The following BCAT1 variants were observed in gnomAD, a reference collection of about 807,000 sequenced individuals.
BCAT1 encodes branched chain amino acid transaminase 1.
A neutral mutation model predicts 52.4 loss-of-function variants in BCAT1; 48 were observed. The observed-to-expected ratio is 0.92, with a 90% CI of 0.73 to 1.16. The LOEUF is 1.16. BCAT1 is among the 50% of genes most tolerant of loss of function. The pLI is 0.00. For synonymous variants in BCAT1, 167 were observed against 161.3 expected (o/e 1.04, Z -0.27); for missense variants, 451 against 457.1 (o/e 0.99, Z 0.12).
intron 5 of BCAT1, among the ~76,000 whole-genome samples, chr12:24,858,121 C>T (rs989659675): frequency 3.3e-5 from 5 of 152,256 alleles, no homozygotes; most frequent in Middle Eastern, 3.4e-3. Flanking sequence ...CATGTTTTCC[C>T]GGCTCTGTCC....
At chr12:24,883,383 G>A (rs185119243) in intron 3 of BCAT1, among the ~76,000 whole-genome samples, 65 of 152,284 alleles carry the variant, frequency 4.3e-4, no homozygotes, top group Admixed American at 4.2e-3. Flanking sequence ...TGGAACCCTT[G>A]TATACTGAGG....
intron 1 of BCAT1, among the ~76,000 whole-genome samples, chr12:24,929,102 C>CT (rs1943641309): frequency 6.6e-6 from 1 of 152,126 alleles, no homozygotes; most frequent in Admixed American, 6.5e-5. Context: ...AAAGTGACCA[C>CT]CTTGACTAAT....
chr12:24,858,205 G>A (rs929739277), intron 5 of BCAT1, among the ~76,000 whole-genome samples: 1 of 152,162 alleles, frequency 6.6e-6, no homozygotes, highest in Non-Finnish European at 1.5e-5. Context: ...AAAATTAACA[G>A]CTACTGGGTC....
At chr12:24,874,794 T>G (rs1254511296) in intron 5 of BCAT1, among the ~76,000 whole-genome samples, 4 of 152,202 alleles carry the variant, frequency 2.6e-5, no homozygotes, top group Non-Finnish European at 4.4e-5. Context: ...GAATCCTCAA[T>G]GTTCTATAAA....
chr12:24,866,921 G>A (rs1301743169), intron 5 of BCAT1, among the ~76,000 whole-genome samples: 1 of 152,164 alleles, frequency 6.6e-6, no homozygotes, highest in Non-Finnish European at 1.5e-5. Context: ...CTTCCATACT[G>A]TGGAAGCTTT....
intron 6 of BCAT1, among the ~76,000 whole-genome samples, chr12:24,844,914 A>AAAAAAAAAAAAAAAAAAAT: frequency 7.5e-6 from 1 of 132,868 alleles, no homozygotes; most frequent in Non-Finnish European, 1.6e-5. Context: ...AAAAAAAAAA[A>AAAAAAAAAAAAAAAAAAAT]AAAGAGTCCT....
rs1489460974 is a variant in BCAT1, at chr12:24,849,754, T to C, written c.674+32A>G. 4.4e-6 allele frequency: 7 copies of C among 1,581,394 alleles called. No homozygotes were observed. In the African/African-American group the frequency reaches 9.4e-5, roughly 21 times the overall value. ...CTAACTAAATGGTCATGAAGGTGTCTTTCCTTTAGACAGAGACACAGATTT... is the reference window on the plus strand; with the variant it reads ...CTAACTAAATGGTCATGAAGGTGTCCTTCCTTTAGACAGAGACACAGATTT... On this transcript the variant is annotated intron_variant, in intron 6 of 10. Coordinates refer to ENST00000261192, the MANE Select transcript of BCAT1 (RefSeq NM_005504.7).
chr12:24,938,060 C>T (rs1283897901), intron 1 of BCAT1, among the ~76,000 whole-genome samples: 4 of 152,094 alleles, frequency 2.6e-5, no homozygotes, highest in Non-Finnish European at 5.9e-5. Flanking sequence ...GGGAAAACAG[C>T]ACATGGGAGG....
chr12:24,826,652 GT>G (rs1158591612), intron 10 of BCAT1, among the ~76,000 whole-genome samples: 1 of 152,064 alleles, frequency 6.6e-6, no homozygotes, highest in Non-Finnish European at 1.5e-5. Flanking sequence ...TTTTAGGATT[GT>G]TTTTTCTATT....
At chr12:24,867,616 A>C (rs1420794137) in intron 5 of BCAT1, among the ~76,000 whole-genome samples, 1 of 152,236 alleles carries the variant, frequency 6.6e-6, no homozygotes, top group African/African-American at 2.4e-5. Context: ...TGTTAGTGAA[A>C]CAAATATTTA....
At chr12:24,839,137 CA>C (rs1378061077) in intron 7 of BCAT1, among the ~76,000 whole-genome samples, 2 of 152,086 alleles carry the variant, frequency 1.3e-5, no homozygotes, top group African/African-American at 4.8e-5. Context: ...TTAGACTACA[CA>C]GGGGGAAACA....
At chr12:24,837,584 G>A (rs985851326) in intron 7 of BCAT1, among the ~76,000 whole-genome samples, 5 of 151,614 alleles carry the variant, frequency 3.3e-5, no homozygotes, top group Non-Finnish European at 7.4e-5. Flanking sequence ...GCGCCACCAC[G>A]CCTGGCTAAT....
chr12:24,834,177 T>C, intron 8 of BCAT1: 1 of 979,278 alleles, frequency 1.0e-6, no homozygotes. Context: ...ATATCTGAAA[T>C]ACTCATTATT....
At chr12:24,943,147 T>A (rs1943872805) in intron 1 of BCAT1, among the ~76,000 whole-genome samples, 1 of 152,222 alleles carries the variant, frequency 6.6e-6, no homozygotes, top group South Asian at 2.1e-4. Flanking sequence ...TATAAAACTT[T>A]GTGTCTATAT....
rs1317519283 is a variant in BCAT1, at chr12:24,878,632, C to G, written c.408G>C (p.Glu136Asp). 4 of 1,603,366 alleles carry G rather than the reference C, an allele frequency of 2.5e-6. No individual in the cohort carries two copies. The highest frequency in any genetic ancestry group is 3.3e-4 in the Middle Eastern group (2 of 6,050). ...CAAGCTGTTGAATACACTCTAAGAG[C>G]TCTTCTTTGTCAAATACCTGAAAGA... ...RATLPVFDKE[E>D]LLECIQQLVK... The change falls in exon 5 of 11, where the codon GAG becomes GAC. Residue 136 changes from glutamate to aspartate, a missense_variant. Glu to Asp is a conservative substitution (Grantham distance 45, BLOSUM62 2). Coordinates refer to ENST00000261192, the MANE Select transcript of BCAT1 (RefSeq NM_005504.7).
chr12:24,856,068 T>C (rs1417618959), intron 5 of BCAT1, among the ~76,000 whole-genome samples: 2 of 152,200 alleles, frequency 1.3e-5, no homozygotes, highest in East Asian at 3.8e-4. Flanking sequence ...GGCTTCCATG[T>C]GTTGATTGAT....
chr12:24,848,089 A>G (rs1225389367), intron 6 of BCAT1, among the ~76,000 whole-genome samples: 1 of 152,148 alleles, frequency 6.6e-6, no homozygotes, highest in Non-Finnish European at 1.5e-5. Flanking sequence ...CCCTCTTGCC[A>G]TTTTTAATTT....
At chr12:24,866,179 T>C (rs2133584) in intron 5 of BCAT1, among the ~76,000 whole-genome samples, 28,418 of 152,162 alleles carry the variant, frequency 0.19, 3,206 homozygotes, top group African/African-American at 0.31. Flanking sequence ...AGCGACCGGC[T>C]GGCCCTGCCA....
chr12:24,862,630 G>A (rs531444556), intron 5 of BCAT1, among the ~76,000 whole-genome samples: 8 of 152,176 alleles, frequency 5.3e-5, no homozygotes, highest in East Asian at 1.9e-4. Context: ...CCACCCCTTC[G>A]TGAATACTAA....
Sources: gnomAD v4.1 joint callset for allele counts (sites outside exome capture counted in the v4.1 genomes callset) on GRCh38, gnomAD v4.1.1 for gene constraint, MANE v1.5 for transcripts, NCBI Gene and HGNC (gene_info 2026-07-23, HGNC 2026-07-21) for gene names.